Variants in MMP20 observed in about 807,000 individuals in gnomAD.
MMP20 encodes the protein matrix metallopeptidase 20.
MMP20 carries 50 observed loss-of-function variants against 51.8 expected under a neutral mutation model. The observed-to-expected ratio is 0.97, with a 90% confidence interval of 0.77 to 1.22. The LOEUF is 1.22. Ranked by LOEUF, MMP20 falls within the 50% of genes most tolerant of loss-of-function variation. The pLI, the probability that MMP20 is intolerant of heterozygous loss-of-function variation, is 0.00. For synonymous variants in MMP20, 244 were observed against 216.2 expected (o/e 1.13, Z -1.13); for missense variants, 663 against 601.4 (o/e 1.10, Z -1.07).
intron 8 of MMP20, among the ~76,000 whole-genome samples, chr11:102,592,761 G>C (rs886959908): frequency 4.6e-5 from 7 of 152,210 alleles, no homozygotes; most frequent in African/African-American, 1.7e-4. Context: ...CAGAGGCAGA[G>C]GTGATCTTTG....
chr11:102,593,718 C>T (rs1015000148), intron 7 of MMP20, 123 bp from the exon 8 acceptor site: 1 of 1,113,468 alleles, frequency 9.0e-7, no homozygotes, highest in Non-Finnish European at 1.3e-6. Flanking sequence ...ATGGCTATAA[C>T]CCAACAAGAG....
In MMP20 at chr11:102,616,905, A is replaced by C; in HGVS notation, c.281T>G (p.Val94Gly). Residue 94 changes from valine (V) to glycine (G), a missense_variant, in exon 2 of 10, where the codon GTG becomes GGG. Coordinates refer to ENST00000260228, the MANE Select transcript of MMP20 (RefSeq NM_004771.4). ...TGKLDQTTMN[V>G]IKKPRCGVPD... The stretch of plus-strand genomic sequence containing the variant: ...AACTCCACAGCGAGGCTTCTTGATC[A>C]CGTTCATTGTGGTCTGGTCTAACTT... 6.2e-7 allele frequency: 1 copy of C among 1,614,186 alleles called. No homozygotes were observed. Among genetic ancestry groups the C allele is most frequent in the Non-Finnish European group, 8.5e-7 (1 of 1,180,030 alleles).
chr11:102,604,330 C>T (rs1442796013), intron 6 of MMP20, among the ~76,000 whole-genome samples: 1 of 152,140 alleles, frequency 6.6e-6, no homozygotes, highest in African/African-American at 2.4e-5. Flanking sequence ...CTTACCAATT[C>T]CATTTGGTGT....
At chr11:102,578,146 A>T (rs1859148070) in intron 9 of MMP20, among the ~76,000 whole-genome samples, 1 of 146,682 alleles carries the variant, frequency 6.8e-6, no homozygotes. Flanking sequence ...CTTGAGACAG[A>T]TTTTTTTTTT....
At chr11:102,581,240 T>A (rs1859192225) in intron 8 of MMP20, among the ~76,000 whole-genome samples, 1 of 151,898 alleles carries the variant, frequency 6.6e-6, no homozygotes, top group African/African-American at 2.4e-5. Flanking sequence ...AAGCCAGCAG[T>A]CTTTGTCATT....
intron 5 of MMP20, 88 bp from the exon 6 acceptor site, chr11:102,606,764 C>A: frequency 6.8e-7 from 1 of 1,463,756 alleles, no homozygotes; most frequent in Non-Finnish European, 9.6e-7. Flanking sequence ...AGGTTGTACA[C>A]TTTCACGCTG....
intron 8 of MMP20, among the ~76,000 whole-genome samples, chr11:102,592,200 C>A (rs939310347): frequency 6.6e-6 from 1 of 152,280 alleles, no homozygotes; most frequent in East Asian, 1.9e-4. Flanking sequence ...CATACTCTGT[C>A]TTGCAGATAT....
At chr11:102,584,622 AT>A (rs1859233565) in intron 8 of MMP20, among the ~76,000 whole-genome samples, 1 of 152,126 alleles carries the variant, frequency 6.6e-6, no homozygotes, top group African/African-American at 2.4e-5. Flanking sequence ...AAAGTTTTTA[AT>A]TTTGAGTAAA....
chr11:102,597,229 A>G (rs1859391958), intron 6 of MMP20, among the ~76,000 whole-genome samples: 1 of 152,170 alleles, frequency 6.6e-6, no homozygotes, highest in Non-Finnish European at 1.5e-5. Flanking sequence ...TGCATTTCTC[A>G]CTTAAAAATC....
intron 6 of MMP20, among the ~76,000 whole-genome samples, chr11:102,602,477 CA>C (rs1859460897): frequency 6.6e-6 from 1 of 152,104 alleles, no homozygotes; most frequent in South Asian, 2.1e-4. Flanking sequence ...GGTGTGGAAG[CA>C]AAGGAACAGC....
chr11:102,621,292 C>T (rs1487157888), intron 1 of MMP20, among the ~76,000 whole-genome samples: 4 of 152,246 alleles, frequency 2.6e-5, no homozygotes, highest in South Asian at 2.1e-4. Context: ...CGCTGAGTCA[C>T]GCAGGATGTT....
chr11:102,611,663 A>G (rs1859601292), intron 3 of MMP20, 92 bp downstream of exon 3: 1 of 1,473,554 alleles, frequency 6.8e-7, no homozygotes, highest in African/African-American at 1.4e-5. Context: ...GCGAAGGAGG[A>G]GTGTGTGATC....
chr11:102,595,031 C>G (rs1296232986), intron 6 of MMP20, among the ~76,000 whole-genome samples: 2 of 151,924 alleles, frequency 1.3e-5, no homozygotes, highest in Non-Finnish European at 2.9e-5. Context: ...AAGCAATTCT[C>G]CTGCCTCAGC....
At chr11:102,603,884 C>A (rs759572147) in intron 6 of MMP20, among the ~76,000 whole-genome samples, 1 of 152,180 alleles carries the variant, frequency 6.6e-6, no homozygotes, top group Admixed American at 6.5e-5. Context: ...CATTTCTAGA[C>A]GTCTCTTGCA....
At position 102,625,328 on chromosome 11, in the gene MMP20, A is replaced by C; in HGVS notation, c.-9T>G. On this transcript the variant is annotated 5_prime_UTR_variant, in exon 1 of 10. Coordinates refer to ENST00000260228, the MANE Select transcript of MMP20 (RefSeq NM_004771.4). Reference sequence around the variant, plus strand: ...GCAGGGAGCACCTTCATCCCCTCACAGTAGCTTGGTAATTATATCAGCCTG... The same window carrying C: ...GCAGGGAGCACCTTCATCCCCTCACCGTAGCTTGGTAATTATATCAGCCTG... 6.2e-7 allele frequency: 1 copy of C among 1,612,824 alleles called. No individual in the cohort carries two copies.
At chr11:102,581,993 T>C (rs2135928102) in intron 8 of MMP20, among the ~76,000 whole-genome samples, 1 of 152,368 alleles carries the variant, frequency 6.6e-6, no homozygotes, top group South Asian at 2.1e-4. Context: ...AATAGTGATC[T>C]GAATTATGTT....
chr11:102,579,852 CTTAT>C (rs1342920213), intron 8 of MMP20, among the ~76,000 whole-genome samples: 1 of 152,012 alleles, frequency 6.6e-6, no homozygotes, highest in Non-Finnish European at 1.5e-5. Context: ...TTTTTATTGC[CTTAT>C]TTATTGTTGT....
chr11:102,581,902 A>G (rs1365323503), intron 8 of MMP20, among the ~76,000 whole-genome samples: 1 of 152,212 alleles, frequency 6.6e-6, no homozygotes, highest in Non-Finnish European at 1.5e-5. Context: ...AATCAACTAT[A>G]TCTTGAGTAT....
At chr11:102,616,734 G>A in intron 2 of MMP20, 78 bp downstream of exon 2, 1 of 1,576,626 alleles carries the variant, frequency 6.3e-7, no homozygotes, top group South Asian at 1.1e-5. Flanking sequence ...GGATGAGAAG[G>A]AAAATATTTT....
Sources: gnomAD v4.1 joint callset for allele counts (sites outside exome capture counted in the v4.1 genomes callset) on GRCh38, gnomAD v4.1.1 for gene constraint, MANE v1.5 for transcripts, NCBI Gene and HGNC (gene_info 2026-07-23, HGNC 2026-07-21) for gene names.